The following PYHIN1 variants were observed in gnomAD, a reference collection of about 807,000 sequenced individuals.
PYHIN1 encodes the protein pyrin and HIN domain family member 1.
A neutral mutation model predicts 43.7 loss-of-function variants in PYHIN1; 32 were observed. That is an observed-to-expected ratio of 0.73 (90% CI 0.55 to 0.98). The LOEUF (loss-of-function observed/expected upper bound fraction) is 0.98. Among genes scored for constraint, PYHIN1 ranks in the 50% least tolerant of loss-of-function variants. The pLI is 0.00. For missense variants in PYHIN1, 588 were observed against 589.5 expected (o/e 1.00, Z 0.03); for synonymous variants, 205 against 203.1 (o/e 1.01, Z -0.08).
At position 158,933,977 on chromosome 1, in the gene PYHIN1, C is replaced by G. The variant is rs1017695501; in HGVS notation, c.-21+2201C>G. 2.0e-5 allele frequency among the ~76,000 whole-genome samples: 3 copies of G among 151,972 alleles called. No homozygotes were observed. The highest frequency in any genetic ancestry group is 7.3e-5 in the African/African-American group (3 of 41,374). ...TCTTTGTCTGGAAAAACTACTGAGG[C>G]CTTCAGGTTCAGAGAATAGTTTTTG... On this transcript the variant is annotated intron_variant, in intron 1 of 8. Transcript: ENST00000368140. This position sits in a 1 kb window ranked among gnomAD's most constrained non-coding sequence, Gnocchi z 6.3.
At position 158,941,911 on chromosome 1, in the gene PYHIN1, T is replaced by C. The variant is rs1044196161; in HGVS notation, c.580-66T>C. 1.4e-5 allele frequency: 21 copies of C among 1,458,274 alleles called. 1 individual carries two copies. The East Asian group carries it at 3.6e-4, about 25-fold the overall frequency. 90.3% of individuals were successfully genotyped at this position (1,458,274 alleles called of 1,614,324 possible). A position where few individuals can be genotyped will look rare whatever the true frequency, so the allele number is the denominator to read the frequency against. ...GCCCAATGTTGTGCCTTGAGGTCAC[T>C]GAAGAGCAATTCTGTATTCCTCACT... On this transcript the variant is annotated intron_variant, in intron 4 of 8. Transcript: ENST00000368140.
chr1:158,977,565 C>G (rs1320717336), downstream of PYHIN1, among the ~76,000 whole-genome samples: 1 of 152,114 alleles, frequency 6.6e-6, no homozygotes, highest in East Asian at 1.9e-4. Flanking sequence ...AGACAGTTAA[C>G]TTAGGCAAAC....
At chr1:158,963,976 A>T (rs1650475335) in intron 7 of PYHIN1, among the ~76,000 whole-genome samples, 1 of 152,230 alleles carries the variant, frequency 6.6e-6, no homozygotes, top group African/African-American at 2.4e-5. Context: ...CAGCTCAAGA[A>T]ATCTAAGGGT....
Position 158,943,846 on chromosome 1 carries a change from G to T in PYHIN1, c.1059G>T (p.Met353Ile). The change falls in exon 6 of 9, where the codon ATG becomes ATT. Residue 353 changes from methionine to isoleucine, a missense_variant. By Grantham distance (10) the Met-to-Ile change is conservative. Transcript: ENST00000368140. ...IYEIQDKTGS[M>I]AVVGKGECHN... The stretch of plus-strand genomic sequence containing the variant: ...AAATTCAGGATAAAACAGGAAGTAT[G>T]GCTGTAGTAGGAAAAGGAGAATGCC... 1 of 1,609,840 alleles carries T rather than the reference G, an allele frequency of 6.2e-7. No individual in the cohort carries two copies. The highest frequency in any genetic ancestry group is 1.1e-5 in the South Asian group (1 of 90,588).
chr1:158,937,708 AGGC>A (rs1648641050), intron 2 of PYHIN1, among the ~76,000 whole-genome samples: 1 of 152,158 alleles, frequency 6.6e-6, no homozygotes, highest in Admixed American at 6.5e-5. Flanking sequence ...GCACTTTGGG[AGGC>A]TGAGGTGGGT....
chr1:158,951,909 C>T (rs1649553790), intron 7 of PYHIN1, among the ~76,000 whole-genome samples: 2 of 152,104 alleles, frequency 1.3e-5, no homozygotes, highest in African/African-American at 4.8e-5. Flanking sequence ...ATAACAGTGG[C>T]CATTATTAGA....
chr1:158,987,218 A>C, the PYHIN1 span, among the ~76,000 whole-genome samples: 2 of 152,156 alleles, frequency 1.3e-5, no homozygotes, highest in Non-Finnish European at 2.9e-5. Flanking sequence ...CAACCTCATC[A>C]ACACTTGTTA....
downstream of PYHIN1, among the ~76,000 whole-genome samples, chr1:158,981,125 T>C (rs549611899): frequency 2.3e-3 from 353 of 152,324 alleles, 1 homozygote; most frequent in African/African-American, 8.0e-3. Flanking sequence ...CCATGTTGTA[T>C]ACGTACCACA....
At chr1:158,967,355 C>T (rs1276286624) in intron 7 of PYHIN1, among the ~76,000 whole-genome samples, 1 of 151,646 alleles carries the variant, frequency 6.6e-6, no homozygotes, top group Non-Finnish European at 1.5e-5. Context: ...GAAACTGAAG[C>T]TTGGAGAGGT....
In PYHIN1 at chr1:158,939,282, C is replaced by T. The variant is rs375333938; in HGVS notation, c.579+35C>T. The T allele has an allele frequency of 5.1e-6, 8 of 1,581,038 alleles. No individual in the cohort carries two copies. The African/African-American group carries it at 8.2e-5, about 16-fold the overall frequency. ...TCCTGGTCCCCTTTTGATTCATTTT[C>T]TTCAACCCAAAATGTAGGAATCTGA... On this transcript the variant is annotated intron_variant, in intron 4 of 8. Transcript: ENST00000368140.
At chr1:158,967,696 C>T (rs1378139952) in intron 7 of PYHIN1, among the ~76,000 whole-genome samples, 2 of 152,088 alleles carry the variant, frequency 1.3e-5, no homozygotes, top group South Asian at 2.1e-4. Context: ...TCAAACTATA[C>T]TGCAAGGTTA....
intron 7 of PYHIN1, among the ~76,000 whole-genome samples, chr1:158,962,591 G>A (rs1650386472): frequency 6.6e-6 from 1 of 152,186 alleles, no homozygotes; most frequent in African/African-American, 2.4e-5. Flanking sequence ...AAATCTCAGA[G>A]ACAACCCACA....
At chr1:158,954,573 G>A (rs1050648214) in intron 7 of PYHIN1, among the ~76,000 whole-genome samples, 1 of 151,100 alleles carries the variant, frequency 6.6e-6, no homozygotes, top group African/African-American at 2.4e-5. Flanking sequence ...TCACCACCAG[G>A]CCTGCCTTAA....
chr1:158,959,837 G>A (rs1483645413), intron 7 of PYHIN1, among the ~76,000 whole-genome samples: 4 of 152,156 alleles, frequency 2.6e-5, no homozygotes, highest in Admixed American at 2.6e-4. Flanking sequence ...CAGAATACAA[G>A]AGGGGAAAGG....
At chr1:158,963,201 C>T (rs543390217) in intron 7 of PYHIN1, among the ~76,000 whole-genome samples, 2 of 152,264 alleles carry the variant, frequency 1.3e-5, no homozygotes, top group African/African-American at 4.8e-5. Flanking sequence ...TGCCCTGCTG[C>T]CTTCAGACTG....
intron 7 of PYHIN1, among the ~76,000 whole-genome samples, chr1:158,955,855 G>T: frequency 1.3e-5 from 1 of 76,292 alleles, no homozygotes; most frequent in Non-Finnish European, 2.9e-5. Context: ...TAGACCGCTA[G>T]CAAGACTAAT....
downstream of PYHIN1, among the ~76,000 whole-genome samples, chr1:158,981,506 G>C (rs181844610): frequency 4.6e-5 from 7 of 152,162 alleles, no homozygotes; most frequent in African/African-American, 1.2e-4. Flanking sequence ...AACAAACAAA[G>C]AAACCATATA....
At chr1:158,980,584 G>T (rs1019116925), downstream of PYHIN1, among the ~76,000 whole-genome samples, 1 of 152,052 alleles carries the variant, frequency 6.6e-6, no homozygotes, top group Non-Finnish European at 1.5e-5. Context: ...TTGAGATAAG[G>T]ACTGAGATAC....
At chr1:158,984,524 TTC>T in the PYHIN1 span, among the ~76,000 whole-genome samples, 1 of 152,158 alleles carries the variant, frequency 6.6e-6, no homozygotes, top group Non-Finnish European at 1.5e-5. Flanking sequence ...TTGATATAAT[TTC>T]TGTTTTTTGA....
Sources: gnomAD v4.1 joint callset for allele counts (sites outside exome capture counted in the v4.1 genomes callset) on GRCh38, gnomAD v4.1.1 for gene constraint, Gnocchi (gnomAD v3.1) non-coding constraint, MANE v1.5 for transcripts, NCBI Gene and HGNC (gene_info 2026-07-23, HGNC 2026-07-21) for gene names.